The following KDM4C variants were observed in gnomAD, a reference collection of about 807,000 sequenced individuals.
KDM4C encodes lysine-specific demethylase 4C.
KDM4C carries 81 observed loss-of-function variants against 129.3 expected under a neutral mutation model. The ratio of observed to expected loss-of-function variants is 0.63; its 90% CI spans 0.52 to 0.75. The LOEUF is 0.75. Among genes scored for constraint, KDM4C ranks in the 30% least tolerant of loss-of-function variants. The pLI, the probability that KDM4C is intolerant of heterozygous loss-of-function variation, is 0.00. For missense variants in KDM4C, 1,457 were observed against 1,304.0 expected (o/e 1.12, Z -1.81); for synonymous variants, 573 against 456.1 (o/e 1.26, Z -3.26).
At chr9:7,170,362 G>T in intron 21 of KDM4C, 1 of 1,009,594 alleles carries the variant, frequency 9.9e-7, no homozygotes, top group Non-Finnish European at 1.2e-6. Flanking sequence ...GTTTGTGTCA[G>T]TTCATCATTA....
In KDM4C at chr9:6,758,335, G is replaced by C. The variant is rs1818680275; in HGVS notation, c.-18+132G>C. 3 of 452,042 alleles carry C rather than the reference G, an allele frequency of 6.6e-6. No individual in the cohort carries two copies. The highest frequency in any genetic ancestry group is 1.8e-4 in the South Asian group (2 of 10,814). 28.0% of individuals were successfully genotyped at this position (452,042 alleles called of 1,614,324 possible). ...CGAGCGGCGACGCTGGGGCAGAGAC[G>C]CTCCGTCCGTGACTGCAGCGACTGT... is the stretch of plus-strand genomic sequence containing the variant. On this transcript the variant is annotated intron_variant, in intron 1 of 21. Coordinates refer to ENST00000381309, the MANE Select transcript of KDM4C (RefSeq NM_015061.6). This position sits in a 1 kb window ranked among gnomAD's most constrained non-coding sequence, Gnocchi z 4.6.
At chr9:7,131,505 A>G (rs1193313423) in intron 19 of KDM4C, among the ~76,000 whole-genome samples, 1 of 152,130 alleles carries the variant, frequency 6.6e-6, no homozygotes, top group Non-Finnish European at 1.5e-5. Context: ...TTTTGTAGAG[A>G]TGGGGTCTCA....
intron 12 of KDM4C, among the ~76,000 whole-genome samples, chr9:6,994,749 C>G (rs999319335): frequency 6.6e-6 from 1 of 152,170 alleles, no homozygotes; most frequent in East Asian, 1.9e-4. Flanking sequence ...AATAGTCTCC[C>G]TATATATGTG....
At chr9:6,866,279 CTTTCT>C (rs900033837) in intron 5 of KDM4C, among the ~76,000 whole-genome samples, 1 of 151,612 alleles carries the variant, frequency 6.6e-6, no homozygotes, top group Non-Finnish European at 1.5e-5. Context: ...ACCCTTCTTT[CTTTCT>C]TTTCTTTTCT....
Position 6,925,023 on chromosome 9 carries a change from T to G in KDM4C, c.921+31791T>G, listed in dbSNP as rs561085936. ...ATCTTAGGCTTCCTACTTCTGAAGT[T>G]CTGAAATGAACCAGGTGTATAAGAA... On this transcript the variant is annotated intron_variant, in intron 8 of 21. Coordinates refer to ENST00000381309, the MANE Select transcript of KDM4C (RefSeq NM_015061.6). 5.1e-6 allele frequency: 5 copies of G among 985,426 alleles called. No homozygotes were observed. In the South Asian group the frequency reaches 1.9e-4, roughly 37 times the overall value. 61.0% of individuals were successfully genotyped at this position (985,426 alleles called of 1,614,324 possible). A position where few individuals can be genotyped will look rare whatever the true frequency, so the allele number is the denominator to read the frequency against.
At chr9:6,963,445 A>C (rs1830350975) in intron 8 of KDM4C, among the ~76,000 whole-genome samples, 1 of 152,076 alleles carries the variant, frequency 6.6e-6, no homozygotes, top group South Asian at 2.1e-4. Context: ...TGATACAACT[A>C]ATTATGACCA....
intron 12 of KDM4C, among the ~76,000 whole-genome samples, chr9:7,003,035 A>G (rs1247358464): frequency 2.0e-5 from 3 of 151,968 alleles, no homozygotes; most frequent in Non-Finnish European, 4.4e-5. Context: ...TAATGTTTGT[A>G]TTGTATTTTT....
chr9:7,171,180 G>A (rs527892106), intron 21 of KDM4C, among the ~76,000 whole-genome samples: 1 of 152,072 alleles, frequency 6.6e-6, no homozygotes, highest in Non-Finnish European at 1.5e-5. Context: ...AAGTGAAATC[G>A]TCAAGAGGAG....
chr9:6,806,556 A>C (rs1204016031), intron 3 of KDM4C, among the ~76,000 whole-genome samples: 1 of 152,026 alleles, frequency 6.6e-6, no homozygotes, highest in Non-Finnish European at 1.5e-5. Flanking sequence ...TTAGCTGCTT[A>C]AACCAACCCA....
Position 7,174,534 on chromosome 9 carries a change from T to C in KDM4C, c.2995-19T>C, listed in dbSNP as rs1564210832. Reference sequence around the variant, plus strand: ...TCAAATGCCGTGCCCTTTTGCAATATAACACCAGCTGCTTTTAGTCCACAG... The same window carrying C: ...TCAAATGCCGTGCCCTTTTGCAATACAACACCAGCTGCTTTTAGTCCACAG... On this transcript the variant is annotated intron_variant, in intron 21 of 21. Transcript: ENST00000381309. 1 of 1,613,012 alleles carries C rather than the reference T, an allele frequency of 6.2e-7. No homozygotes were observed. Among genetic ancestry groups the C allele is most frequent in the Non-Finnish European group, 8.5e-7 (1 of 1,179,096 alleles).
intron 8 of KDM4C, among the ~76,000 whole-genome samples, chr9:6,897,987 A>T (rs1393934741): frequency 6.6e-6 from 1 of 152,156 alleles, no homozygotes; most frequent in Non-Finnish European, 1.5e-5. Flanking sequence ...TACTCTGTGC[A>T]GCTGCTGCCG....
At chr9:6,991,166 C>T (rs1265019027) in intron 12 of KDM4C, among the ~76,000 whole-genome samples, 2 of 152,070 alleles carry the variant, frequency 1.3e-5, no homozygotes, top group Admixed American at 1.3e-4. Context: ...GCAGCCTCAA[C>T]CTCCCAGGCC....
intron 18 of KDM4C, among the ~76,000 whole-genome samples, chr9:7,120,671 C>G (rs1228719774): frequency 1.3e-5 from 2 of 152,058 alleles, no homozygotes; most frequent in African/African-American, 4.8e-5. Context: ...TTTCTTATAT[C>G]ACATTTGCCT....
At chr9:6,812,231 TC>T (rs1381834874) in intron 3 of KDM4C, among the ~76,000 whole-genome samples, 3 of 142,264 alleles carry the variant, frequency 2.1e-5, no homozygotes, top group Non-Finnish European at 3.1e-5. Context: ...AACAAGACTC[TC>T]AAAAAAAAAA....
chr9:6,886,272 T>G (rs1845238733), intron 6 of KDM4C, among the ~76,000 whole-genome samples: 1 of 152,148 alleles, frequency 6.6e-6, no homozygotes, highest in South Asian at 2.1e-4. Flanking sequence ...TAAGAGACAT[T>G]GTAAAGAATT....
intron 2 of KDM4C, among the ~76,000 whole-genome samples, chr9:6,805,308 T>G (rs971345638): frequency 2.0e-5 from 3 of 152,192 alleles, no homozygotes; most frequent in Non-Finnish European, 2.9e-5. Context: ...TTCAAATTAT[T>G]TTACTTCTGT....
intron 18 of KDM4C, among the ~76,000 whole-genome samples, chr9:7,118,984 G>C (rs749228912): frequency 1.4e-4 from 22 of 152,082 alleles, no homozygotes; most frequent in Admixed American, 2.6e-4. Context: ...TTCCCCCTGT[G>C]CTCTTGCCCT....
chr9:6,779,439 T>C (rs1349939919), intron 1 of KDM4C, among the ~76,000 whole-genome samples: 1 of 152,078 alleles, frequency 6.6e-6, no homozygotes, highest in Non-Finnish European at 1.5e-5. Context: ...TCTGAAGAAA[T>C]AGTTCTGGCA....
chr9:6,732,086 G>A (rs1817356476), intron 1 of KDM4C, among the ~76,000 whole-genome samples: 1 of 151,976 alleles, frequency 6.6e-6, no homozygotes, highest in Admixed American at 6.6e-5. Context: ...ATGAGGCTGG[G>A]GCTGGGTGTG....
Sources: gnomAD v4.1 joint callset for allele counts (sites outside exome capture counted in the v4.1 genomes callset) on GRCh38, gnomAD v4.1.1 for gene constraint, Gnocchi (gnomAD v3.1) non-coding constraint, MANE v1.5 for transcripts, NCBI Gene and HGNC (gene_info 2026-07-23, HGNC 2026-07-21) for gene names.